The following LARGE1 variants were observed in gnomAD, a reference collection of about 807,000 sequenced individuals.
LARGE1 encodes the protein LARGE xylosyl- and glucuronyltransferase 1.
In LARGE1, 43 loss-of-function variants were observed where a neutral mutation model predicts 87.6. The ratio of observed to expected loss-of-function variants is 0.49; its 90% confidence interval spans 0.38 to 0.63. The LOEUF is 0.63. Ranked by LOEUF, LARGE1 falls within the 30% of genes least tolerant of loss-of-function variation. The probability of loss-of-function intolerance (pLI) is 0.00; values close to 1 mark genes in which losing one functional copy is unlikely to be tolerated. For missense variants in LARGE1, 802 were observed against 1,000.2 expected, an observed-to-expected ratio of 0.80 and a Z score of 2.67; for synonymous variants, 434 against 394.6, an observed-to-expected ratio of 1.10 and a Z score of -1.18.
At chr22:33,420,771 C>A (rs2066662678) in intron 7 of LARGE1, among the ~76,000 whole-genome samples, 1 of 152,196 alleles carries the variant, frequency 6.6e-6, no homozygotes, top group African/African-American at 2.4e-5. Context: ...AATGAATGAA[C>A]ACGTGGATGG....
intron 1 of LARGE1, among the ~76,000 whole-genome samples, chr22:33,831,306 G>A (rs916049716): frequency 6.6e-6 from 1 of 152,116 alleles, no homozygotes; most frequent in African/African-American, 2.4e-5. Flanking sequence ...GGAGTGTCAA[G>A]GAAAGAATTC....
chr22:33,550,838 A>G (rs1182686065), intron 6 of LARGE1, among the ~76,000 whole-genome samples: 1 of 152,248 alleles, frequency 6.6e-6, no homozygotes, highest in Non-Finnish European at 1.5e-5. Flanking sequence ...ACAGATGCAT[A>G]TCACAGTACA....
chr22:33,331,820 C>T (rs1937748200), intron 10 of LARGE1, among the ~76,000 whole-genome samples: 3 of 152,072 alleles, frequency 2.0e-5, no homozygotes, highest in Admixed American at 1.3e-4. Context: ...TCATGTTGCT[C>T]CCTCCCACCC....
At chr22:33,852,872 AAAAAAAAG>A (rs1471765360) in intron 1 of LARGE1, among the ~76,000 whole-genome samples, 4 of 89,270 alleles carry the variant, frequency 4.5e-5, no homozygotes, top group South Asian at 3.4e-4. Flanking sequence ...AAAAAAAAAA[AAAAAAAAG>A]AAAGAAAGAA....
intron 12 of LARGE1, among the ~76,000 whole-genome samples, chr22:33,303,032 TA>T (rs67203383): frequency 7.9e-4 from 121 of 152,356 alleles, no homozygotes; most frequent in African/African-American, 2.6e-3. Context: ...AGGATTTTTT[TA>T]AAATGTCATT....
At chr22:33,846,438 AT>A (rs1222063333) in intron 1 of LARGE1, among the ~76,000 whole-genome samples, 3 of 152,152 alleles carry the variant, frequency 2.0e-5, no homozygotes, top group Non-Finnish European at 4.4e-5. Context: ...GGACCATGTG[AT>A]AATTGCGTTA....
chr22:33,680,772 A>ATC lies in LARGE1; in HGVS notation c.107-30105_107-30104insGA, dbSNP rs573304551. ...AAGGCAAGTCATTATTTCAACTCAG[A>ATC]TGTCTTCTCAGAATACCCCCTTATC... On this transcript the variant is annotated intron_variant, in intron 2 of 14. Transcript: ENST00000397394. Among the ~76,000 whole-genome samples the ATC allele has an allele frequency of 4.6e-5, 7 of 152,184 alleles. No individual in the cohort carries two copies. The East Asian group carries it at 9.7e-4, about 21-fold the overall frequency.
the LARGE1 span, among the ~76,000 whole-genome samples, chr22:33,084,577 C>A: frequency 6.6e-6 from 1 of 151,760 alleles, no homozygotes; most frequent in Non-Finnish European, 1.5e-5. Context: ...TTGCTTGAAC[C>A]CCAAGAGGTT....
At chr22:33,844,073 C>G (rs781698557) in intron 1 of LARGE1, among the ~76,000 whole-genome samples, 1 of 117,412 alleles carries the variant, frequency 8.5e-6, no homozygotes, top group Non-Finnish European at 1.9e-5. Context: ...AAGTGAAACT[C>G]CGTCTCAAAA....
chr22:33,351,486 A>C (rs1230270304), intron 9 of LARGE1, among the ~76,000 whole-genome samples: 1 of 152,174 alleles, frequency 6.6e-6, no homozygotes, highest in Non-Finnish European at 1.5e-5. Context: ...AATAACCCTC[A>C]CAAAATGAAT....
At chr22:33,337,923 A>C in intron 9 of LARGE1, 122 bp from the exon 10 acceptor site, 1 of 1,116,878 alleles carries the variant, frequency 9.0e-7, no homozygotes, top group South Asian at 1.5e-5. Context: ...TCATTCGCTC[A>C]TTCAACATTT....
Position 33,466,467 on chromosome 22 carries a change from A to G in LARGE1, c.788-34202T>C, listed in dbSNP as rs116783361. On this transcript the variant is annotated intron_variant, in intron 6 of 14. Coordinates refer to ENST00000397394, the MANE Select transcript of LARGE1 (RefSeq NM_133642.5). ...TCTAGGACCTGGTGGGAATATAGTA[A>G]GTGCTCAATAAATATTTGTTGAAGG... Among the ~76,000 whole-genome samples the G allele has an allele frequency of 5.7e-3, 864 of 151,784 alleles. 5 individuals are homozygous for G. The highest frequency in any genetic ancestry group is 0.019 in the African/African-American group (804 of 41,308).
chr22:33,374,651 C>G (rs1481523400), intron 9 of LARGE1, among the ~76,000 whole-genome samples: 1 of 152,080 alleles, frequency 6.6e-6, no homozygotes, highest in Non-Finnish European at 1.5e-5. Flanking sequence ...TATCTCTCAT[C>G]TTGTAGAAAT....
chr22:33,818,825 A>T (rs1328304701), intron 1 of LARGE1, among the ~76,000 whole-genome samples: 6 of 152,194 alleles, frequency 3.9e-5, no homozygotes, highest in Non-Finnish European at 8.8e-5. Context: ...TTGGCAGGGT[A>T]AGAACTCAGC....
chr22:33,618,984 G>A (rs1433511039), intron 4 of LARGE1, among the ~76,000 whole-genome samples: 2 of 152,048 alleles, frequency 1.3e-5, no homozygotes, highest in African/African-American at 2.4e-5. Context: ...TTCCTATTCT[G>A]AGCCCATAAG....
chr22:33,740,755 C>G (rs547220745), intron 2 of LARGE1, among the ~76,000 whole-genome samples: 4 of 152,192 alleles, frequency 2.6e-5, no homozygotes, highest in Non-Finnish European at 5.9e-5. Flanking sequence ...AGTCCTGCAA[C>G]CTGCTCAAAA....
At chr22:33,128,669 C>T in the LARGE1 span, among the ~76,000 whole-genome samples, 6 of 123,954 alleles carry the variant, frequency 4.8e-5, no homozygotes, top group South Asian at 5.7e-4. Context: ...AGTGAGACTT[C>T]GTCTCAAAAA....
Position 33,290,910 on chromosome 22 carries a change from G to A in LARGE1, c.1731-7562C>T, listed in dbSNP as rs1345543005. ...AAAAATTAGCTGGGTGTGGTGGTGC[G>A]TGTCTATAATCCCAGCTACTGAGGA... On this transcript the variant is annotated intron_variant, in intron 12 of 14. Coordinates refer to ENST00000397394, the MANE Select transcript of LARGE1 (RefSeq NM_133642.5). Among the ~76,000 whole-genome samples, 5 of 152,154 alleles carry A rather than the reference G, an allele frequency of 3.3e-5. No homozygotes were observed. In the East Asian group the frequency reaches 5.8e-4, roughly 18 times the overall value.
At chr22:33,144,796 GACAT>G in the LARGE1 span, among the ~76,000 whole-genome samples, 1 of 152,062 alleles carries the variant, frequency 6.6e-6, no homozygotes, top group Admixed American at 6.6e-5. Context: ...GTAGCAATAA[GACAT>G]AGAATAGGAA....
Sources: gnomAD v4.1 joint callset for allele counts (sites outside exome capture counted in the v4.1 genomes callset) on GRCh38, gnomAD v4.1.1 for gene constraint, MANE v1.5 for transcripts, NCBI Gene and HGNC (gene_info 2026-07-23, HGNC 2026-07-21) for gene names.